The following ABLIM2 variants were observed in gnomAD, a reference collection of about 807,000 sequenced individuals.
The protein encoded by ABLIM2 is actin binding LIM protein family member 2.
Under a neutral mutation model 97.7 loss-of-function variants are expected in ABLIM2, and 53 were observed. The ratio of observed to expected loss-of-function variants is 0.54; its 90% confidence interval spans 0.44 to 0.68. The LOEUF (loss-of-function observed/expected upper bound fraction) is 0.68. Ranked by LOEUF, ABLIM2 falls within the 30% of genes least tolerant of loss-of-function variation. ABLIM2 has a pLI of 0.00. For missense variants in ABLIM2, 835 were observed against 867.2 expected (o/e 0.96, Z 0.47); for synonymous variants, 361 against 345.8 (o/e 1.04, Z -0.49).
intron 3 of ABLIM2, among the ~76,000 whole-genome samples, chr4:8,096,380 T>C (rs1018703620): frequency 6.6e-6 from 1 of 152,208 alleles, no homozygotes; most frequent in Non-Finnish European, 1.5e-5. Flanking sequence ...CCCTCATCTC[T>C]AAGCCACGTA....
intron 16 of ABLIM2, 97 bp from the exon 17 acceptor site, chr4:7,993,024 T>C: frequency 1.5e-6 from 2 of 1,324,238 alleles, no homozygotes; most frequent in African/African-American, 1.5e-5. Context: ...TGGGCAAGGC[T>C]GGGCAAGCAA....
At chr4:8,028,995 G>A (rs1345184806) in intron 11 of ABLIM2, among the ~76,000 whole-genome samples, 1 of 152,212 alleles carries the variant, frequency 6.6e-6, no homozygotes, top group Non-Finnish European at 1.5e-5. Context: ...TGTCCGTGTG[G>A]AGCGTCCCTG....
intron 14 of ABLIM2, among the ~76,000 whole-genome samples, chr4:8,012,743 T>TATCC (rs149803675): frequency 2.7e-5 from 4 of 149,578 alleles, no homozygotes; most frequent in Non-Finnish European, 4.5e-5. Context: ...CCTACTCATC[T>TATCC]ATCCATCCAT....
rs1251932498 is a variant in ABLIM2 at position 8,148,522 on chromosome 4, G to A, written c.10+10158C>T. Reference sequence around the variant, plus strand: ...GAGTTACCTAATTCCCTGGGCCTCCGTTTGCTCACCTGTGAAGTGGGAATA... The same window carrying A: ...GAGTTACCTAATTCCCTGGGCCTCCATTTGCTCACCTGTGAAGTGGGAATA... On this transcript the variant is annotated intron_variant, in intron 1 of 20. Coordinates refer to ENST00000447017, the MANE Select transcript of ABLIM2 (RefSeq NM_001130083.2). This position sits in a 1 kb window ranked among gnomAD's most constrained non-coding sequence, Gnocchi z 6.7. Among the ~76,000 whole-genome samples the A allele has an allele frequency of 1.3e-5, 2 of 152,144 alleles. No homozygotes were observed. Among genetic ancestry groups the A allele is most frequent in the South Asian group, 2.1e-4 (1 of 4,828 alleles).
Position 8,130,052 on chromosome 4 carries a change from G to A in ABLIM2, c.11-23415C>T, listed in dbSNP as rs1011108376. Reference sequence around the variant, plus strand: ...ACTGCCTGGGGTTCCCACGGAGAAGGAGCCTCAGATTCCCCTGGCCTCCAG... The same window carrying A: ...ACTGCCTGGGGTTCCCACGGAGAAGAAGCCTCAGATTCCCCTGGCCTCCAG... On this transcript the variant is annotated intron_variant, in intron 1 of 20. Coordinates refer to ENST00000447017, the MANE Select transcript of ABLIM2 (RefSeq NM_001130083.2). This position sits in a 1 kb window ranked among gnomAD's most constrained non-coding sequence, Gnocchi z 4.2. 3.3e-5 allele frequency among the ~76,000 whole-genome samples: 5 copies of A among 152,200 alleles called. No homozygotes were observed. Among genetic ancestry groups the A allele is most frequent in the African/African-American group, 1.2e-4 (5 of 41,456 alleles).
At chr4:8,007,554 A>G in intron 16 of ABLIM2, 1 of 986,204 alleles carries the variant, frequency 1.0e-6, no homozygotes, top group Non-Finnish European at 1.2e-6. Flanking sequence ...CTCCTGATTC[A>G]GTCTTCAAAA....
Position 8,113,663 on chromosome 4 carries a change from G to A in ABLIM2, c.11-7026C>T, listed in dbSNP as rs1048258084. On this transcript the variant is annotated intron_variant, in intron 1 of 20. Transcript: ENST00000447017. This position sits in a 1 kb window ranked among gnomAD's most constrained non-coding sequence, Gnocchi z 4.5. ...TGGCAGGGGTTCTCATCGGAGGCCC[G>A]CTCCATCCGCCAAGATGATTTCAGA... Among the ~76,000 whole-genome samples, 1 of 152,188 alleles carries A rather than the reference G, an allele frequency of 6.6e-6. No homozygotes were observed. The highest frequency in any genetic ancestry group is 6.5e-5 in the Admixed American group (1 of 15,286).
intron 20 of ABLIM2, among the ~76,000 whole-genome samples, chr4:7,971,532 C>T (rs1316154007): frequency 6.6e-6 from 1 of 152,160 alleles, no homozygotes; most frequent in Non-Finnish European, 1.5e-5. Flanking sequence ...GTGTGACTTG[C>T]CCAAGGTCAC....
At chr4:7,975,329 G>C (rs1415680781) in intron 20 of ABLIM2, among the ~76,000 whole-genome samples, 1 of 152,218 alleles carries the variant, frequency 6.6e-6, no homozygotes, top group Non-Finnish European at 1.5e-5. Flanking sequence ...AGCTCTGTGT[G>C]CTGAACCCCG....
rs1393959493 is a variant in ABLIM2 at position 8,120,279 on chromosome 4, C to T, written c.11-13642G>A. Among the ~76,000 whole-genome samples, 2 of 152,178 alleles carry T rather than the reference C, an allele frequency of 1.3e-5. No homozygotes were observed. The highest frequency in any genetic ancestry group is 2.9e-5 in the Non-Finnish European group (2 of 68,028). On this transcript the variant is annotated intron_variant, in intron 1 of 20. Transcript: ENST00000447017. The surrounding 1 kb of genome is among the most constrained non-coding windows in gnomAD (Gnocchi z 5.6). ...CCAGATGCCCACGTTGAAGTCCTAA[C>T]CCCCGGACCTCGGCAAGTGACTGTG...
rs1712126222 is a variant in ABLIM2, at chr4:8,150,095, G to C, written c.10+8585C>G. Among the ~76,000 whole-genome samples the C allele has an allele frequency of 6.6e-6, 1 of 152,204 alleles. No homozygotes were observed. The highest frequency in any genetic ancestry group is 2.4e-5 in the African/African-American group (1 of 41,454). ...AATGGAGAGAGTTGTGGGGCAAAGGGGTTGGAACATCATGAGGGCATTTGA... is the reference window on the plus strand; with the variant it reads ...AATGGAGAGAGTTGTGGGGCAAAGGCGTTGGAACATCATGAGGGCATTTGA... On this transcript the variant is annotated intron_variant, in intron 1 of 20. Coordinates refer to ENST00000447017, the MANE Select transcript of ABLIM2 (RefSeq NM_001130083.2). This position sits in a 1 kb window ranked among gnomAD's most constrained non-coding sequence, Gnocchi z 6.3.
At chr4:8,007,933 G>T in intron 16 of ABLIM2, 126 bp downstream of exon 16, 1 of 1,490,624 alleles carries the variant, frequency 6.7e-7, no homozygotes, top group Non-Finnish European at 8.9e-7. Flanking sequence ...TAGATTTGTG[G>T]GCTTTGCTTT....
intron 1 of ABLIM2, among the ~76,000 whole-genome samples, chr4:8,136,968 T>C (rs891754925): frequency 3.3e-5 from 5 of 152,152 alleles, no homozygotes; most frequent in African/African-American, 1.2e-4. Flanking sequence ...TGGGAGGTGA[T>C]TAGGTCATGA....
intron 18 of ABLIM2, 80 bp downstream of exon 18, chr4:7,984,759 T>G (rs975878875): frequency 1.4e-6 from 2 of 1,410,302 alleles, no homozygotes; most frequent in East Asian, 2.6e-5. Flanking sequence ...GCGGATGGGG[T>G]GGTTTCAGAA....
chr4:8,013,772 A>G (rs1766718996), intron 14 of ABLIM2, among the ~76,000 whole-genome samples: 1 of 152,172 alleles, frequency 6.6e-6, no homozygotes, highest in Admixed American at 6.5e-5. Context: ...TTTCCCACGG[A>G]GCAGCTGAAG....
intron 1 of ABLIM2, among the ~76,000 whole-genome samples, chr4:8,136,121 C>T (rs978827569): frequency 3.9e-5 from 6 of 152,160 alleles, no homozygotes; most frequent in African/African-American, 1.4e-4. Flanking sequence ...AGCACTCAGC[C>T]CTAAGAAGAA....
chr4:8,020,540 C>T (rs530477946), intron 12 of ABLIM2: 33 of 618,088 alleles, frequency 5.3e-5, no homozygotes, highest in East Asian at 2.6e-4. Context: ...GGCAGAGGAG[C>T]GACATTGCTG....
chr4:8,098,675 G>A (rs921594736), intron 2 of ABLIM2, among the ~76,000 whole-genome samples: 4 of 152,310 alleles, frequency 2.6e-5, no homozygotes, highest in African/African-American at 7.2e-5. Flanking sequence ...CTCTACCCGC[G>A]TAGTGTGCTG....
rs904862097 is a variant in ABLIM2 at position 8,003,660 on chromosome 4, G to C, written c.1618+4399C>G. ...GGCTTACTGCAACCTCTGCCTCCTG[G>C]GATCAAGTGATTCTCCTGCCTCAGC... On this transcript the variant is annotated intron_variant, in intron 16 of 20. Transcript: ENST00000447017. This position sits in a 1 kb window ranked among gnomAD's most constrained non-coding sequence, Gnocchi z 4.2. Among the ~76,000 whole-genome samples, 1 of 151,318 alleles carries C rather than the reference G, an allele frequency of 6.6e-6. No homozygotes were observed. Among genetic ancestry groups the C allele is most frequent in the African/African-American group, 2.4e-5 (1 of 41,042 alleles).
Sources: gnomAD v4.1 joint callset for allele counts (sites outside exome capture counted in the v4.1 genomes callset) on GRCh38, gnomAD v4.1.1 for gene constraint, Gnocchi (gnomAD v3.1) non-coding constraint, MANE v1.5 for transcripts, NCBI Gene and HGNC (gene_info 2026-07-23, HGNC 2026-07-21) for gene names.